EVI5: variants seen among roughly 807,000 people sequenced by gnomAD.
The protein encoded by EVI5 is ecotropic viral integration site 5, also known as ecotropic viral integration site 5 protein homolog.
Under a neutral mutation model 112.0 loss-of-function variants are expected in EVI5, and 73 were observed. The observed-to-expected ratio is 0.65, with a 90% CI of 0.54 to 0.79. The LOEUF is 0.79. Ranked by LOEUF, EVI5 falls within the 30% of genes least tolerant of loss-of-function variation. EVI5 has a pLI of 0.00. For missense variants in EVI5, 900 were observed against 968.8 expected (o/e 0.93, Z 0.94); for synonymous variants, 305 against 319.9 (o/e 0.95, Z 0.50).
chr1:92,756,125 A>T (rs1379245433), intron 1 of EVI5: 1 of 319,038 alleles, frequency 3.1e-6, no homozygotes, highest in Non-Finnish European at 6.6e-6. Context: ...AAGCTGGAAC[A>T]GCTCAACAGC....
chr1:92,739,142 G>A (rs1162408732), intron 1 of EVI5, among the ~76,000 whole-genome samples: 2 of 151,514 alleles, frequency 1.3e-5, no homozygotes, highest in Non-Finnish European at 2.9e-5. Flanking sequence ...GCATGGTGGC[G>A]GGCGCCTGTA....
intron 1 of EVI5, chr1:92,756,147 G>T: frequency 5.3e-6 from 2 of 374,012 alleles, no homozygotes; most frequent in South Asian, 5.0e-5. Flanking sequence ...TAGGTGTTAT[G>T]ACTAATATGA....
At position 92,547,793 on chromosome 1, in the gene EVI5, T is replaced by C. The variant is rs185813832; in HGVS notation, c.2166+15849A>G. On this transcript the variant is annotated intron_variant, in intron 19 of 19. Coordinates refer to ENST00000684568, the MANE Select transcript of EVI5 (RefSeq NM_001350197.2). The stretch of plus-strand genomic sequence containing the variant: ...ACACATACACCTTCCCAAGACTAAA[T>C]CAGGAAGAAGTTGAATCTCTGAATA... Among the ~76,000 whole-genome samples the C allele has an allele frequency of 5.3e-3, 776 of 145,944 alleles. 5 individuals are homozygous for C. Among genetic ancestry groups the C allele is most frequent in the Non-Finnish European group, 8.6e-3 (566 of 65,930 alleles).
At chr1:92,652,141 C>T (rs561375245) in intron 13 of EVI5, among the ~76,000 whole-genome samples, 2 of 152,266 alleles carry the variant, frequency 1.3e-5, no homozygotes, top group South Asian at 4.1e-4. Context: ...GTAGTATATA[C>T]ATACTATGGA....
intron 1 of EVI5, among the ~76,000 whole-genome samples, chr1:92,791,177 T>G (rs1037741962): frequency 3.3e-5 from 5 of 152,218 alleles, no homozygotes; most frequent in African/African-American, 1.2e-4. Context: ...ATTTCTTGAC[T>G]TTGCAAAATA....
rs370038637 is a variant in EVI5, at chr1:92,657,443, G to A, written c.1392+5276C>T. On this transcript the variant is annotated intron_variant, in intron 13 of 19. Coordinates refer to ENST00000684568, the MANE Select transcript of EVI5 (RefSeq NM_001350197.2). ...TTTGAGAGGCCAAGGCAGGTGGATC[G>A]CTTGAGCCCTGGAGTTCAAGGCCAG... Among the ~76,000 whole-genome samples, 30 of 152,158 alleles carry A rather than the reference G, an allele frequency of 2.0e-4. No individual in the cohort carries two copies. In the South Asian group the frequency reaches 6.0e-3, roughly 31 times the overall value.
intron 16 of EVI5, among the ~76,000 whole-genome samples, chr1:92,623,545 T>C (rs770370410): frequency 6.6e-6 from 1 of 152,210 alleles, no homozygotes; most frequent in Non-Finnish European, 1.5e-5. Flanking sequence ...ATATTTAAGA[T>C]AGAATTTATT....
chr1:92,665,686 G>C (rs1664770923), intron 11 of EVI5, among the ~76,000 whole-genome samples: 1 of 152,096 alleles, frequency 6.6e-6, no homozygotes, highest in South Asian at 2.1e-4. Flanking sequence ...TATGTGTAAA[G>C]AAAACAAATA....
At chr1:92,777,751 A>G (rs1684339427) in intron 1 of EVI5, among the ~76,000 whole-genome samples, 1 of 152,218 alleles carries the variant, frequency 6.6e-6, no homozygotes, top group Admixed American at 6.5e-5. Flanking sequence ...GCTTCCTCCC[A>G]AAACGTTACT....
chr1:92,562,484 T>G (rs986067788), intron 19 of EVI5, among the ~76,000 whole-genome samples: 3 of 152,082 alleles, frequency 2.0e-5, no homozygotes, highest in South Asian at 2.1e-4. Context: ...GAGCAGAGAT[T>G]GCACCACTGC....
At chr1:92,774,532 C>CA (rs1196684263) in intron 1 of EVI5, among the ~76,000 whole-genome samples, 1 of 151,978 alleles carries the variant, frequency 6.6e-6, no homozygotes, top group East Asian at 1.9e-4. Flanking sequence ...TATGAACAAA[C>CA]AAAAAAAGCA....
At chr1:92,790,985 T>A (rs1023518609) in intron 1 of EVI5, among the ~76,000 whole-genome samples, 1 of 152,200 alleles carries the variant, frequency 6.6e-6, no homozygotes, top group Non-Finnish European at 1.5e-5. Flanking sequence ...AGGTGGAGAC[T>A]AGATCTGCCA....
At chr1:92,597,729 A>G (rs1179319357) in intron 18 of EVI5, among the ~76,000 whole-genome samples, 1 of 152,198 alleles carries the variant, frequency 6.6e-6, no homozygotes, top group Non-Finnish European at 1.5e-5. Context: ...CTACTGAATG[A>G]CGGTTATGTA....
upstream of EVI5, among the ~76,000 whole-genome samples, chr1:92,788,476 AAAAAC>A (rs542746642): frequency 4.1e-3 from 598 of 147,370 alleles, 5 homozygotes; most frequent in African/African-American, 0.014. Context: ...ACTCCATCTC[AAAAAC>A]AAAACAAAAC....
chr1:92,659,096 GA>G (rs1232734736), intron 13 of EVI5, among the ~76,000 whole-genome samples: 1 of 151,260 alleles, frequency 6.6e-6, no homozygotes, highest in Non-Finnish European at 1.5e-5. Context: ...TAAAGAGAAG[GA>G]AAAAAATATG....
intron 14 of EVI5, among the ~76,000 whole-genome samples, chr1:92,629,527 G>A (rs867063514): frequency 6.6e-6 from 1 of 152,254 alleles, no homozygotes; most frequent in South Asian, 2.1e-4. Context: ...CATCTTTGAT[G>A]TTCTTTAATA....
intron 1 of EVI5, among the ~76,000 whole-genome samples, chr1:92,775,988 G>C (rs376773038): frequency 8.0e-4 from 122 of 151,782 alleles, no homozygotes; most frequent in South Asian, 1.9e-3. Flanking sequence ...GGCGCCTGTA[G>C]TCCCAGCTAC....
At chr1:92,751,945 G>A (rs1474641033) in intron 1 of EVI5, among the ~76,000 whole-genome samples, 1 of 152,106 alleles carries the variant, frequency 6.6e-6, no homozygotes, top group Non-Finnish European at 1.5e-5. Flanking sequence ...GAACCCAGGG[G>A]GCGGAGGTAG....
intron 19 of EVI5, among the ~76,000 whole-genome samples, chr1:92,557,593 A>T (rs4847377): frequency 4.6e-5 from 7 of 152,142 alleles, no homozygotes; most frequent in East Asian, 1.9e-4. Flanking sequence ...GCCACCATGA[A>T]GGGCTGTTTC....
Sources: gnomAD v4.1 joint callset for allele counts (sites outside exome capture counted in the v4.1 genomes callset) on GRCh38, gnomAD v4.1.1 for gene constraint, MANE v1.5 for transcripts, NCBI Gene and HGNC (gene_info 2026-07-23, HGNC 2026-07-21) for gene names.